The following HTRA2 variants were observed in gnomAD, a reference collection of about 807,000 sequenced individuals.
HTRA2 encodes the protein serine protease HTRA2, mitochondrial.
In HTRA2, 24 loss-of-function variants were observed where a neutral mutation model predicts 42.2. The ratio of observed to expected loss-of-function variants is 0.57; its 90% CI spans 0.41 to 0.80. The LOEUF is 0.80. Among genes scored for constraint, HTRA2 ranks in the 30% least tolerant of loss-of-function variants. HTRA2 has a pLI of 0.00. For missense variants in HTRA2, 466 were observed against 613.5 expected (o/e 0.76, Z 2.54); for synonymous variants, 245 against 255.8 (o/e 0.96, Z 0.40).
At position 74,533,068 on chromosome 2, in the gene HTRA2, G is replaced by C; in HGVS notation, c.*83G>C. Reference sequence around the variant, plus strand: ...AGGTTCTGAGGGCACCGAGACAGAGGGTTAAATGAACCAGTGGGGGCAGGT... The same window carrying C: ...AGGTTCTGAGGGCACCGAGACAGAGCGTTAAATGAACCAGTGGGGGCAGGT... On this transcript the variant is annotated 3_prime_UTR_variant, in exon 8 of 8. Transcript: ENST00000258080. The C allele has an allele frequency of 7.2e-7, 1 of 1,396,026 alleles. No individual in the cohort carries two copies. Among genetic ancestry groups the C allele is most frequent in the Non-Finnish European group, 1.0e-6 (1 of 993,632 alleles). 86.5% of individuals were successfully genotyped at this position (1,396,026 alleles called of 1,614,324 possible). A position where few individuals can be genotyped will look rare whatever the true frequency, so the allele number is the denominator to read the frequency against.
exon 1 of HTRA2, chr2:74,529,924 CCCCGCGTCCTACTGTCCGCCTG>C: frequency 6.8e-7 from 1 of 1,479,636 alleles, no homozygotes; most frequent in African/African-American, 1.4e-5. Context: ...TACCGGCGTG[CCCCGCGTCCTACTGTCCGCCTG>C]CTCGCGTCCT....
upstream of HTRA2, chr2:74,529,659 G>T: frequency 6.5e-7 from 1 of 1,544,454 alleles, no homozygotes. Flanking sequence ...CCCGGCCGTC[G>T]CCGCCGCCGC....
At chr2:74,529,840 C>T (rs1675452036), upstream of HTRA2, 9 of 1,422,658 alleles carry the variant, frequency 6.3e-6, no homozygotes, top group Admixed American at 2.9e-5. Context: ...CCACAATTCC[C>T]GGCATTCGTG....
chr2:74,529,772 C>G, upstream of HTRA2: 4 of 1,474,038 alleles, frequency 2.7e-6, no homozygotes, highest in Non-Finnish European at 3.6e-6. Context: ...GAAGGGCTAG[C>G]GGTCCCAGCA....
chr2:74,529,427 C>T, upstream of HTRA2: 1 of 1,584,892 alleles, frequency 6.3e-7, no homozygotes, highest in Non-Finnish European at 8.6e-7. Flanking sequence ...GAAAGAGGCG[C>T]AGGACGAGGA....
At chr2:74,531,741 G>A (rs769407083) in intron 5 of HTRA2, 39 bp downstream of exon 5, 27 of 1,612,792 alleles carry the variant, frequency 1.7e-5, no homozygotes, top group Non-Finnish European at 2.2e-5. Flanking sequence ...CCTTTAATGT[G>A]GTGGAAATAG....
At position 74,531,675 on chromosome 2, in the gene HTRA2, G is replaced by A; in HGVS notation, c.1018G>A (p.Glu340Lys). Residue 340 changes from glutamate (E) to lysine (K), a missense_variant, in exon 5 of 8, where the codon GAG becomes AAG. Physicochemically the swap from Glu to Lys is moderately conservative, Grantham distance 56 (BLOSUM62 1). This residue lies in a region of HTRA2 where 129 missense variants were observed against 163.1 expected (regional missense o/e 0.79). Coordinates refer to ENST00000258080, the MANE Select transcript of HTRA2 (RefSeq NM_013247.5). ...TGCCATCCCTTCTGATCGTCTTCGA[G>A]AGTTTCTGCATCGTGGGGAAAAGAA... is the stretch of plus-strand genomic sequence containing the variant. ...SFAIPSDRLR[E>K]FLHRGEKKNS... 1.2e-6 allele frequency: 2 copies of A among 1,614,162 alleles called. No individual in the cohort carries two copies. Among genetic ancestry groups the A allele is most frequent in the Non-Finnish European group, 1.7e-6 (2 of 1,180,044 alleles).
upstream of HTRA2, chr2:74,529,745 A>G (rs1228849271): frequency 6.6e-7 from 1 of 1,503,992 alleles, no homozygotes; most frequent in South Asian, 1.2e-5. Context: ...GGGGACCCGA[A>G]GTCCTGAGGC....
In HTRA2 at chr2:74,532,707, G is replaced by C. The variant is rs753067242; in HGVS notation, c.1204G>C (p.Ala402Pro). The C allele has an allele frequency of 1.2e-6, 2 of 1,613,410 alleles. No homozygotes were observed. Among genetic ancestry groups the C allele is most frequent in the Non-Finnish European group, 1.7e-6 (2 of 1,179,484 alleles). The part of the protein sequence containing the change: ...LIHKVILGSP[A>P]HRAGLRPGDV... Reference sequence around the variant, plus strand: ...CCATAAAGTCATCCTGGGCTCCCCTGCACACCGGTGAGGGAGAGGCTGCAG... The same window carrying C: ...CCATAAAGTCATCCTGGGCTCCCCTCCACACCGGTGAGGGAGAGGCTGCAG... The change falls in exon 7 of 8, where the codon GCA (alanine) becomes CCA (proline). Residue 402 changes from alanine (A) to proline (P), a missense_variant. By Grantham distance (27) the Ala-to-Pro change is conservative. Coordinates refer to ENST00000258080, the MANE Select transcript of HTRA2 (RefSeq NM_013247.5).
downstream of HTRA2, chr2:74,533,551 A>C (rs1675780473): frequency 6.6e-7 from 1 of 1,525,580 alleles, no homozygotes; most frequent in Non-Finnish European, 9.1e-7. Flanking sequence ...AGGTAATGGC[A>C]GCCTCAGACC....
chr2:74,531,119 G>A lies in HTRA2; in HGVS notation c.906+14G>A. The stretch of plus-strand genomic sequence containing the variant: ...GCAGCTATTGATGTGCGTCCTGATA[G>A]GAGAGAAATGACAAATGATGGGGGA... On this transcript the variant is annotated intron_variant, in intron 3 of 7. Transcript: ENST00000258080. The A allele has an allele frequency of 1.2e-6, 2 of 1,613,648 alleles. No individual in the cohort carries two copies. Among genetic ancestry groups the A allele is most frequent in the Non-Finnish European group, 1.7e-6 (2 of 1,179,668 alleles).
chr2:74,531,078 A>G lies in HTRA2; in HGVS notation c.879A>G (p.Glu293=). The G allele has an allele frequency of 1.9e-6, 3 of 1,614,186 alleles. No individual in the cohort carries two copies. Among genetic ancestry groups the G allele is most frequent in the Non-Finnish European group, 2.5e-6 (3 of 1,180,024 alleles). ...TGGGACTCCCCCAAACCAATGTGGA[A>G]TACATTCAAACTGATGCAGCTATTG... is the stretch of plus-strand genomic sequence containing the variant. ...RDLGLPQTNV[E]YIQTDAAIDF... is the part of the protein sequence containing the mutation. Residue 293 remains glutamate (E), a synonymous_variant, in exon 3 of 8, where the codon GAA becomes GAG. Coordinates refer to ENST00000258080, the MANE Select transcript of HTRA2 (RefSeq NM_013247.5).
In HTRA2 at chr2:74,529,936, C is replaced by T; in HGVS notation, c.-71C>T. On this transcript the variant is annotated 5_prime_UTR_variant, in exon 1 of 8. Coordinates refer to ENST00000258080, the MANE Select transcript of HTRA2 (RefSeq NM_013247.5). ...AGGTACCGGCGTGCCCCGCGTCCTA[C>T]TGTCCGCCTGCTCGCGTCCTGGGTG... The T allele has an allele frequency of 2.7e-6, 4 of 1,490,892 alleles. No individual in the cohort carries two copies. The highest frequency in any genetic ancestry group is 2.3e-5 in the East Asian group (1 of 43,300). The allele number at this position is 1,490,892 out of a possible 1,614,324, so 92.4% of individuals were successfully genotyped here. A position where few individuals can be genotyped will look rare whatever the true frequency, so the allele number is the denominator to read the frequency against.
chr2:74,531,458 C>A, intron 4 of HTRA2, 87 bp downstream of exon 4: 1 of 1,606,194 alleles, frequency 6.2e-7, no homozygotes, highest in South Asian at 1.1e-5. Flanking sequence ...GATGTTTGGT[C>A]AAGTTTCTGA....
At chr2:74,533,550 C>T, downstream of HTRA2, 1 of 1,520,250 alleles carries the variant, frequency 6.6e-7, no homozygotes, top group Non-Finnish European at 9.1e-7. Flanking sequence ...GAGGTAATGG[C>T]AGCCTCAGAC....
intron 4 of HTRA2, 72 bp from the exon 5 acceptor site, chr2:74,531,525 G>A (rs1180588995): frequency 6.2e-7 from 1 of 1,612,396 alleles, no homozygotes; most frequent in East Asian, 2.2e-5. Context: ...ACACTTGCTG[G>A]TACTTTTGTT....
upstream of HTRA2, chr2:74,529,508 G>T: frequency 6.5e-7 from 1 of 1,549,666 alleles, no homozygotes; most frequent in Admixed American, 1.9e-5. Flanking sequence ...GCCTGGGGGC[G>T]AGAGGCGAAG....
At position 74,530,141 on chromosome 2, in the gene HTRA2, C is replaced by T. The variant is rs1457818938; in HGVS notation, c.135C>T (p.Asp45=). The change falls in exon 1 of 8, where the codon GAC becomes GAT. Residue 45 remains aspartate (D), a synonymous_variant. Transcript: ENST00000258080. The surrounding 1 kb of genome is among the most constrained non-coding windows in gnomAD (Gnocchi z 7.4). The part of the protein sequence containing the change: ...LRALLTSGTS[D]PRARVTYGTP... ...CCCTGCTGACGTCAGGAACTTCTGA[C>T]CCCCGGGCCCGAGTGACTTATGGGA... 6.8e-6 allele frequency: 11 copies of T among 1,612,136 alleles called. No individual in the cohort carries two copies. Among genetic ancestry groups the T allele is most frequent in the East Asian group, 2.2e-5 (1 of 44,870 alleles).
At chr2:74,532,513 T>C (rs1675685952) in intron 6 of HTRA2, 106 bp from the exon 7 acceptor site, 1 of 845,364 alleles carries the variant, frequency 1.2e-6, no homozygotes, top group Non-Finnish European at 2.0e-6. Flanking sequence ...ACCTAGCCCA[T>C]GTCCTGTCCA....
Sources: allele counts gnomAD v4.1 joint callset, GRCh38; gene constraint gnomAD v4.1.1; regional missense constraint gnomAD v4.1.1; non-coding constraint Gnocchi (gnomAD v3.1); transcripts MANE v1.5; gene names NCBI Gene and HGNC (gene_info 2026-07-23, HGNC 2026-07-21).